Variants in ZHX2 observed in about 807,000 individuals in gnomAD.
ZHX2 encodes zinc fingers and homeoboxes protein 2.
Under a neutral mutation model 21.9 loss-of-function variants are expected in ZHX2, and 6 were observed. The observed-to-expected ratio is 0.27, with a 90% CI of 0.15 to 0.54. ZHX2 has a LOEUF of 0.54. Ranked by LOEUF, ZHX2 falls within the 20% of genes least tolerant of loss-of-function variation. ZHX2 has a pLI of 0.95. For missense variants in ZHX2, 908 were observed against 1,090.7 expected, an observed-to-expected ratio of 0.83 and a Z score of 2.36; for synonymous variants, 434 against 437.1, an observed-to-expected ratio of 0.99 and a Z score of 0.09.
intron 1 of ZHX2, among the ~76,000 whole-genome samples, chr8:122,856,172 C>A (rs995447349): frequency 3.3e-5 from 5 of 152,216 alleles, no homozygotes; most frequent in African/African-American, 1.2e-4. Flanking sequence ...GGACTCAAAG[C>A]TCTTGTGTGG....
chr8:122,905,222 A>G (rs959688795), intron 2 of ZHX2, among the ~76,000 whole-genome samples: 5 of 152,258 alleles, frequency 3.3e-5, no homozygotes, highest in African/African-American at 1.2e-4. Flanking sequence ...ATGAATCCAA[A>G]TAAATTTACA....
intron 2 of ZHX2, among the ~76,000 whole-genome samples, chr8:122,893,183 T>G (rs1820022443): frequency 6.6e-6 from 1 of 152,258 alleles, no homozygotes; most frequent in Non-Finnish European, 1.5e-5. Context: ...TGTGAGGTTT[T>G]GGCTGAAAAA....
chr8:122,934,691 G>A (rs1032965298), intron 2 of ZHX2, among the ~76,000 whole-genome samples: 2 of 139,362 alleles, frequency 1.4e-5, no homozygotes, highest in South Asian at 2.2e-4. Flanking sequence ...TCCCTCCTTC[G>A]TTTCTTTCTT....
At chr8:122,937,771 G>T (rs7825668) in intron 2 of ZHX2, among the ~76,000 whole-genome samples, 95,920 of 150,844 alleles carry the variant, frequency 0.64, 31,439 homozygotes, top group East Asian at 0.76. Context: ...TAGAGACAGC[G>T]TTTCACCATG....
chr8:122,929,033 A>G (rs536579299), intron 2 of ZHX2, among the ~76,000 whole-genome samples: 1 of 152,346 alleles, frequency 6.6e-6, no homozygotes, highest in African/African-American at 2.4e-5. Flanking sequence ...TTCAATCAAT[A>G]TTATTTGATT....
intron 2 of ZHX2, among the ~76,000 whole-genome samples, chr8:122,884,499 T>G (rs1317585590): frequency 6.6e-6 from 1 of 152,230 alleles, no homozygotes; most frequent in African/African-American, 2.4e-5. Context: ...AGCTCTTCCA[T>G]TTTGTGCCTC....
chr8:122,821,532 T>TAA (rs775665251), intron 1 of ZHX2, among the ~76,000 whole-genome samples: 4 of 136,116 alleles, frequency 2.9e-5, no homozygotes, highest in Admixed American at 1.5e-4. Context: ...ATCAAACACT[T>TAA]AAAAAAAAAA....
intron 3 of ZHX2, among the ~76,000 whole-genome samples, chr8:122,959,149 C>T (rs1813381151): frequency 6.6e-6 from 1 of 152,162 alleles, no homozygotes; most frequent in African/African-American, 2.4e-5. Context: ...CTCCAAAGCT[C>T]CAGCCACCAC....
At chr8:122,832,158 C>T (rs1422068206) in intron 1 of ZHX2, among the ~76,000 whole-genome samples, 2 of 152,000 alleles carry the variant, frequency 1.3e-5, no homozygotes, top group South Asian at 2.1e-4. Flanking sequence ...AGAGCGTGGC[C>T]GGGTTTAGAT....
At chr8:122,928,837 C>T (rs947766772) in intron 2 of ZHX2, among the ~76,000 whole-genome samples, 13 of 152,110 alleles carry the variant, frequency 8.5e-5, no homozygotes, top group African/African-American at 3.1e-4. Flanking sequence ...GCTTGGTGCC[C>T]CCTCAGGTGT....
At chr8:122,943,030 G>A (rs956057810) in intron 2 of ZHX2, among the ~76,000 whole-genome samples, 2 of 152,138 alleles carry the variant, frequency 1.3e-5, no homozygotes, top group Non-Finnish European at 2.9e-5. Context: ...GGGAGGCTGA[G>A]GTGGGTGGAT....
chr8:122,844,352 G>A (rs1006179414), intron 1 of ZHX2, among the ~76,000 whole-genome samples: 2 of 152,236 alleles, frequency 1.3e-5, no homozygotes, highest in East Asian at 1.9e-4. Flanking sequence ...GAAACTTGAC[G>A]ACGCTAGTCC....
rs148698137 is a variant in ZHX2, at chr8:122,952,929, C to T, written c.1419C>T (p.Ile473=). ...FPDDAEVYRL[I]EVTGLARSEI... is the part of the protein sequence containing the mutation. Reference sequence around the variant, plus strand: ...ACGATGCCGAGGTTTACCGGCTCATCGAGGTGACTGGCCTTGCCAGGAGCG... The same window carrying T: ...ACGATGCCGAGGTTTACCGGCTCATTGAGGTGACTGGCCTTGCCAGGAGCG... Residue 473 remains isoleucine, a synonymous_variant, in exon 3 of 4, where the codon ATC becomes ATT. Transcript: ENST00000314393. This position sits in a 1 kb window ranked among gnomAD's most constrained non-coding sequence, Gnocchi z 6.9. The T allele has an allele frequency of 1.9e-4, 312 of 1,614,112 alleles. 1 individual carries two copies. In the African/African-American group the frequency reaches 2.9e-3, roughly 15 times the overall value.
At chr8:122,845,510 G>A (rs758669949) in intron 1 of ZHX2, among the ~76,000 whole-genome samples, 10 of 152,184 alleles carry the variant, frequency 6.6e-5, no homozygotes, top group East Asian at 5.8e-4. Context: ...ATGTTGTCAC[G>A]TGGTCTCCAA....
chr8:122,892,276 A>G (rs1820001256), intron 2 of ZHX2, among the ~76,000 whole-genome samples: 1 of 152,180 alleles, frequency 6.6e-6, no homozygotes, highest in Non-Finnish European at 1.5e-5. Context: ...TGCATGGAAT[A>G]TCTTTTTCTA....
At chr8:122,943,961 C>A (rs1187367530) in intron 2 of ZHX2, among the ~76,000 whole-genome samples, 1 of 152,238 alleles carries the variant, frequency 6.6e-6, no homozygotes, top group African/African-American at 2.4e-5. Flanking sequence ...TCCTCTCTAC[C>A]TCTGCCCTCA....
chr8:122,824,809 C>T (rs1359630250), intron 1 of ZHX2, among the ~76,000 whole-genome samples: 3 of 152,200 alleles, frequency 2.0e-5, no homozygotes, highest in Non-Finnish European at 4.4e-5. Flanking sequence ...CCTCACTGAG[C>T]TAAAATTAGA....
intron 2 of ZHX2, among the ~76,000 whole-genome samples, chr8:122,895,744 A>G (rs527914471): frequency 3.4e-4 from 45 of 130,846 alleles, no homozygotes; most frequent in South Asian, 1.4e-3. Flanking sequence ...TGGTGTGGGG[A>G]AAAAAAAAAA....
chr8:122,964,823 T>A (rs1813538165), intron 3 of ZHX2, among the ~76,000 whole-genome samples: 1 of 152,086 alleles, frequency 6.6e-6, no homozygotes, highest in African/African-American at 2.4e-5. Context: ...TCTTGCTACT[T>A]GTTATTTGTC....
Sources: allele counts gnomAD v4.1 joint callset (sites outside exome capture counted in the v4.1 genomes callset), GRCh38; gene constraint gnomAD v4.1.1; non-coding constraint Gnocchi (gnomAD v3.1); transcripts MANE v1.5; gene names NCBI Gene and HGNC (gene_info 2026-07-23, HGNC 2026-07-21).